The following CDH23 variants were observed in gnomAD, a reference collection of about 807,000 sequenced individuals.
The protein encoded by CDH23 is cadherin-23.
In CDH23, 189 loss-of-function variants were observed where a neutral mutation model predicts 317.1. The ratio of observed to expected loss-of-function variants is 0.60; its 90% confidence interval spans 0.53 to 0.67. The LOEUF is 0.67. Among genes scored for constraint, CDH23 ranks in the 30% least tolerant of loss-of-function variants. The pLI is 0.00. For synonymous variants in CDH23, 1,839 were observed against 1,876.8 expected (o/e 0.98, Z 0.52); for missense variants, 4,401 against 4,592.4 (o/e 0.96, Z 1.20).
intron 9 of CDH23, among the ~76,000 whole-genome samples, chr10:71,587,264 G>A (rs749541385): frequency 1.3e-5 from 2 of 152,194 alleles, no homozygotes; most frequent in Non-Finnish European, 2.9e-5. Context: ...AGAAGCCAAG[G>A]GATTCATGTC....
At chr10:71,766,040 C>G (rs1035436841) in intron 38 of CDH23, among the ~76,000 whole-genome samples, 3 of 152,230 alleles carry the variant, frequency 2.0e-5, no homozygotes, top group African/African-American at 4.8e-5. Context: ...AGAGGGGCAG[C>G]GCACAGCACG....
intron 11 of CDH23, among the ~76,000 whole-genome samples, chr10:71,640,829 G>A (rs999915190): frequency 1.3e-5 from 2 of 152,244 alleles, no homozygotes; most frequent in African/African-American, 4.8e-5. Context: ...GAAGATCTGG[G>A]CGTGGCCCCC....
chr10:71,757,643 A>T (rs1382592862), intron 38 of CDH23: 1 of 152,092 alleles, frequency 6.6e-6, no homozygotes, highest in African/African-American at 2.4e-5. Context: ...CCGACACCGC[A>T]CTAAGGAGTG....
intron 12 of CDH23, among the ~76,000 whole-genome samples, chr10:71,644,760 G>A (rs1165845384): frequency 6.6e-6 from 1 of 152,236 alleles, no homozygotes; most frequent in Non-Finnish European, 1.5e-5. Context: ...GGCTAGGGGT[G>A]GGCTCTGCAC....
intron 14 of CDH23, among the ~76,000 whole-genome samples, chr10:71,662,202 T>C (rs1863703406): frequency 6.6e-6 from 1 of 152,016 alleles, no homozygotes; most frequent in Non-Finnish European, 1.5e-5. Flanking sequence ...CTATCAGATG[T>C]GTGGCTTGCC....
At chr10:71,500,313 C>T (rs116420382) in intron 3 of CDH23, among the ~76,000 whole-genome samples, 2,585 of 152,240 alleles carry the variant, frequency 0.017, 57 homozygotes, top group African/African-American at 0.054. Flanking sequence ...TCACTTATTC[C>T]TCCTCTTCCC....
chr10:71,809,682 C>T (rs1841854665), intron 60 of CDH23, 138 bp from the exon 61 acceptor site: 2 of 1,248,814 alleles, frequency 1.6e-6, no homozygotes, highest in Admixed American at 5.1e-5. Context: ...TGCCTGTCAC[C>T]TTTGCTCCCT....
At chr10:71,432,744 C>T (rs551280910) in intron 1 of CDH23, among the ~76,000 whole-genome samples, 4 of 152,272 alleles carry the variant, frequency 2.6e-5, no homozygotes, top group East Asian at 3.9e-4. Context: ...CCGACCTCCT[C>T]GCCTAGCGAG....
At chr10:71,573,354 C>T (rs1040065439) in intron 8 of CDH23, among the ~76,000 whole-genome samples, 11 of 152,302 alleles carry the variant, frequency 7.2e-5, no homozygotes, top group Admixed American at 7.2e-4. Context: ...AGTTTGCATG[C>T]TTTTATTTCA....
chr10:71,607,007 T>A (rs1441036166), intron 9 of CDH23, among the ~76,000 whole-genome samples: 2 of 152,236 alleles, frequency 1.3e-5, no homozygotes, highest in Non-Finnish European at 2.9e-5. Flanking sequence ...GGCTGTTGAA[T>A]GTAGCCCAGC....
intron 14 of CDH23, among the ~76,000 whole-genome samples, chr10:71,666,202 C>A (rs539972462): frequency 6.6e-6 from 1 of 152,066 alleles, no homozygotes; most frequent in African/African-American, 2.4e-5. Flanking sequence ...GCCCAGCCCC[C>A]CTTCCCAGTA....
At chr10:71,403,326 C>CCTTCCTTCCTTTCTTT (rs1315167195) in intron 1 of CDH23, among the ~76,000 whole-genome samples, 6 of 60,768 alleles carry the variant, frequency 9.9e-5, no homozygotes, top group Admixed American at 1.6e-4. Context: ...TTCCTTCCTT[C>CCTTCCTTCCTTTCTTT]CTTTCTTTCT....
At chr10:71,511,653 G>A (rs1490514211) in intron 6 of CDH23, 1 of 269,112 alleles carries the variant, frequency 3.7e-6, no homozygotes, top group South Asian at 4.8e-5. Context: ...GCTTTCCCTA[G>A]CCCCGCGCTC....
chr10:71,554,016 A>T (rs1011842458), intron 6 of CDH23, among the ~76,000 whole-genome samples: 1 of 152,178 alleles, frequency 6.6e-6, no homozygotes, highest in Non-Finnish European at 1.5e-5. Context: ...TTTGCAGTTT[A>T]CTGACCCTTG....
chr10:71,522,402 G>A (rs1854750594), intron 6 of CDH23, among the ~76,000 whole-genome samples: 1 of 152,048 alleles, frequency 6.6e-6, no homozygotes, highest in Non-Finnish European at 1.5e-5. Context: ...CCATTCCAGT[G>A]GGTTTCTGTT....
chr10:71,796,862 G>A, intron 48 of CDH23: 1 of 433,516 alleles, frequency 2.3e-6, no homozygotes, highest in Non-Finnish European at 4.3e-6. Context: ...TGGACACAGA[G>A]GTGCAGAGAG....
chr10:71,667,824 T>C (rs1260583410), intron 14 of CDH23, among the ~76,000 whole-genome samples: 1 of 152,078 alleles, frequency 6.6e-6, no homozygotes, highest in African/African-American at 2.4e-5. Flanking sequence ...CATAAGATGT[T>C]GCGCTGAGCA....
At chr10:71,580,557 T>C (rs1252317786) in intron 9 of CDH23, among the ~76,000 whole-genome samples, 1 of 152,248 alleles carries the variant, frequency 6.6e-6, no homozygotes, top group East Asian at 1.9e-4. Flanking sequence ...CAGAGGATCA[T>C]GGAACCAAAT....
chr10:71,739,532 T>C, intron 35 of CDH23, 112 bp from the exon 36 acceptor site: 1 of 1,345,078 alleles, frequency 7.4e-7, no homozygotes, highest in South Asian at 1.4e-5. Flanking sequence ...CAAAAGCCCT[T>C]GCTCAACAGA....
Sources: allele counts gnomAD v4.1 joint callset (sites outside exome capture counted in the v4.1 genomes callset), GRCh38; gene constraint gnomAD v4.1.1; transcripts MANE v1.5; gene names NCBI Gene and HGNC (gene_info 2026-07-23, HGNC 2026-07-21).